The following UBQLN1 variants were observed in gnomAD, a reference collection of about 807,000 sequenced individuals.
UBQLN1 encodes the protein ubiquilin 1, also known as ubiquilin-1.
A neutral mutation model predicts 65.4 loss-of-function variants in UBQLN1; 13 were observed. The observed-to-expected ratio is 0.20, with a 90% CI of 0.13 to 0.32. UBQLN1 has a LOEUF of 0.32. UBQLN1 is among the 10% of genes least tolerant of loss of function. The probability of loss-of-function intolerance (pLI) is 1.00; values close to 1 mark genes in which losing one functional copy is unlikely to be tolerated. For missense variants in UBQLN1, 561 were observed against 724.0 expected (o/e 0.77, Z 2.58); for synonymous variants, 267 against 247.8 (o/e 1.08, Z -0.73).
intron 2 of UBQLN1, among the ~76,000 whole-genome samples, chr9:83,683,728 A>C (rs1831989484): frequency 6.6e-6 from 1 of 152,088 alleles, no homozygotes; most frequent in African/African-American, 2.4e-5. Context: ...TATATAAAAA[A>C]CTTTTTTATC....
chr9:83,697,107 T>C (rs1344762530), intron 1 of UBQLN1, among the ~76,000 whole-genome samples: 1 of 151,944 alleles, frequency 6.6e-6, no homozygotes, highest in Non-Finnish European at 1.5e-5. Context: ...GAAAAGCCAG[T>C]CAAAGGAAAG....
At chr9:83,678,727 AT>A in intron 4 of UBQLN1, 128 bp from the exon 5 acceptor site, 8 of 1,093,516 alleles carry the variant, frequency 7.3e-6, no homozygotes, top group East Asian at 2.5e-5. Flanking sequence ...TGTTTTTTTA[AT>A]TTTTTTGAGA....
intron 1 of UBQLN1, among the ~76,000 whole-genome samples, chr9:83,688,975 A>G (rs1023427258): frequency 2.6e-5 from 4 of 152,222 alleles, no homozygotes; most frequent in Admixed American, 2.6e-4. Context: ...CACTCATTTA[A>G]AGTATACGAT....
At chr9:83,704,465 A>C (rs1832363117) in intron 1 of UBQLN1, among the ~76,000 whole-genome samples, 1 of 152,226 alleles carries the variant, frequency 6.6e-6, no homozygotes, top group Non-Finnish European at 1.5e-5. Flanking sequence ...AACAATGATC[A>C]AGAATTTAAA....
chr9:83,679,376 C>T (rs1268808543), intron 4 of UBQLN1, among the ~76,000 whole-genome samples: 1 of 152,122 alleles, frequency 6.6e-6, no homozygotes, highest in Admixed American at 6.5e-5. Flanking sequence ...CAAATAAAAA[C>T]CAATTAAAGC....
chr9:83,670,197 A>T (rs778168821), intron 6 of UBQLN1, among the ~76,000 whole-genome samples: 1 of 152,010 alleles, frequency 6.6e-6, no homozygotes, highest in Non-Finnish European at 1.5e-5. Flanking sequence ...CTCAAACTCA[A>T]ATATATTCTC....
At chr9:83,662,831 T>G (rs751288571) in intron 10 of UBQLN1, among the ~76,000 whole-genome samples, 2 of 152,186 alleles carry the variant, frequency 1.3e-5, no homozygotes, top group Non-Finnish European at 2.9e-5. Context: ...CCCAGCACTT[T>G]GGGAGGCCAA....
intron 9 of UBQLN1, 29 bp downstream of exon 9, chr9:83,665,001 C>G (rs1449317185): frequency 2.2e-6 from 3 of 1,386,752 alleles, no homozygotes; most frequent in Non-Finnish European, 3.0e-6. Flanking sequence ...CCATTATACA[C>G]TTTCATTATC....
At chr9:83,706,008 T>G (rs1331294149) in intron 1 of UBQLN1, among the ~76,000 whole-genome samples, 1 of 152,074 alleles carries the variant, frequency 6.6e-6, no homozygotes, top group Non-Finnish European at 1.5e-5. Flanking sequence ...AAGAAAAAAC[T>G]TTCTAGTCAA....
At chr9:83,671,028 C>A (rs1019394437) in intron 6 of UBQLN1, among the ~76,000 whole-genome samples, 1 of 152,146 alleles carries the variant, frequency 6.6e-6, no homozygotes, top group East Asian at 1.9e-4. Flanking sequence ...GGGAGTGGCA[C>A]GAACATAGCT....
intron 6 of UBQLN1, among the ~76,000 whole-genome samples, chr9:83,673,660 T>C (rs747076117): frequency 6.6e-6 from 1 of 151,810 alleles, no homozygotes; most frequent in Non-Finnish European, 1.5e-5. Flanking sequence ...GAAAACTATA[T>C]GAAATTCAAA....
intron 1 of UBQLN1, among the ~76,000 whole-genome samples, chr9:83,688,076 T>C (rs964666937): frequency 1.8e-4 from 28 of 152,334 alleles, no homozygotes; most frequent in African/African-American, 6.5e-4. Flanking sequence ...ACATCTCATT[T>C]TTCCCTTTAG....
At position 83,695,076 on chromosome 9, in the gene UBQLN1, G is replaced by T. The variant is rs76265103; in HGVS notation, c.181-8921C>A. On this transcript the variant is annotated intron_variant, in intron 1 of 10. Coordinates refer to ENST00000376395, the MANE Select transcript of UBQLN1 (RefSeq NM_013438.5). ...AGTAAGATAAAGAAAATTGTGGGTG[G>T]TTGACCCCATTTGCTTAACAAAAGG... Among the ~76,000 whole-genome samples, 29 of 151,726 alleles carry T rather than the reference G, an allele frequency of 1.9e-4. No homozygotes were observed. The East Asian group carries it at 5.6e-3, about 29-fold the overall frequency.
rs80201630 is a variant in UBQLN1, at chr9:83,667,506, C to A, written c.1249-1073G>T. Reference sequence around the variant, plus strand: ...AATAACAAAAGCAGATGTCAGACAACCTTTCAGGAACATACAGTATTTATT... The same window carrying A: ...AATAACAAAAGCAGATGTCAGACAAACTTTCAGGAACATACAGTATTTATT... On this transcript the variant is annotated intron_variant, in intron 7 of 10. Coordinates refer to ENST00000376395, the MANE Select transcript of UBQLN1 (RefSeq NM_013438.5). 1,807 of 985,350 alleles carry A rather than the reference C, an allele frequency of 1.8e-3. 23 individuals are homozygous for A. In the African/African-American group the frequency reaches 0.03, roughly 16 times the overall value. 61.0% of individuals were successfully genotyped at this position (985,350 alleles called of 1,614,324 possible).
intron 6 of UBQLN1, among the ~76,000 whole-genome samples, chr9:83,675,417 T>C (rs61162738): frequency 0.017 from 2,626 of 152,090 alleles, 87 homozygotes; most frequent in African/African-American, 0.059. Flanking sequence ...ACAACTAAAA[T>C]TGTTTGAATC....
At chr9:83,663,015 G>A (rs1334744704) in intron 10 of UBQLN1, among the ~76,000 whole-genome samples, 5 of 150,828 alleles carry the variant, frequency 3.3e-5, no homozygotes, top group African/African-American at 9.7e-5. Context: ...GGTGCAGGTC[G>A]CAGTGAGCTG....
At position 83,660,280 on chromosome 9, in the gene UBQLN1, T is replaced by C. The variant is rs1307968831; in HGVS notation, c.*1507A>G. On this transcript the variant is annotated 3_prime_UTR_variant, in exon 11 of 11. Transcript: ENST00000376395. ...CAGAAGTAATGCAATCAACTTGTAT[T>C]TCCCTTGATTTTATTGGTCTGAATT... The C allele has an allele frequency of 6.5e-6, 1 of 152,678 alleles. No individual in the cohort carries two copies. The highest frequency in any genetic ancestry group is 1.5e-5 in the Non-Finnish European group (1 of 68,046). 9.5% of individuals were successfully genotyped at this position (152,678 alleles called of 1,614,324 possible).
chr9:83,702,670 A>G (rs1322482835), intron 1 of UBQLN1, among the ~76,000 whole-genome samples: 1 of 152,226 alleles, frequency 6.6e-6, no homozygotes, highest in Non-Finnish European at 1.5e-5. Context: ...CCAAATTTTC[A>G]AAATCTGGTA....
At chr9:83,671,295 C>T (rs924508150) in intron 6 of UBQLN1, among the ~76,000 whole-genome samples, 2 of 152,184 alleles carry the variant, frequency 1.3e-5, no homozygotes, top group East Asian at 1.9e-4. Flanking sequence ...GAATTAGGAA[C>T]GTTCTTAATG....
Sources: allele counts gnomAD v4.1 joint callset (sites outside exome capture counted in the v4.1 genomes callset), GRCh38; gene constraint gnomAD v4.1.1; transcripts MANE v1.5; gene names NCBI Gene and HGNC (gene_info 2026-07-23, HGNC 2026-07-21).